The following RBFOX1 variants were observed in gnomAD, a reference collection of about 807,000 sequenced individuals.
RBFOX1 encodes RNA binding fox-1 homolog 1.
In RBFOX1, 8 loss-of-function variants were observed where a neutral mutation model predicts 57.7. The observed-to-expected ratio is 0.14, with a 90% CI of 0.08 to 0.25. The LOEUF (loss-of-function observed/expected upper bound fraction) is 0.25, where lower values mean the gene tolerates loss of function less well. Ranked by LOEUF, RBFOX1 falls within the 10% of genes least tolerant of loss-of-function variation. RBFOX1 has a pLI of 1.00. For missense variants in RBFOX1, 611 were observed against 548.5 expected (o/e 1.11, Z -1.14); for synonymous variants, 326 against 222.4 (o/e 1.47, Z -4.15).
At chr16:5,767,052 G>T (rs905569099) in intron 3 of RBFOX1, among the ~76,000 whole-genome samples, 4 of 152,226 alleles carry the variant, frequency 2.6e-5, no homozygotes, top group Non-Finnish European at 5.9e-5. Context: ...TGATGTCTCA[G>T]TCAGTTGTAT....
intron 2 of RBFOX1, among the ~76,000 whole-genome samples, chr16:6,614,473 A>G (rs975537928): frequency 3.3e-5 from 5 of 152,240 alleles, no homozygotes; most frequent in Non-Finnish European, 7.3e-5. Context: ...TTACCGGGAC[A>G]GGACAAACCA....
At chr16:6,364,290 G>A (rs1400013779) in intron 2 of RBFOX1, among the ~76,000 whole-genome samples, 2 of 152,186 alleles carry the variant, frequency 1.3e-5, no homozygotes, top group Non-Finnish European at 2.9e-5. Context: ...GGCTTGCCAA[G>A]GTGAAAAGTT....
chr16:7,477,625 C>T (rs975000734), intron 4 of RBFOX1, among the ~76,000 whole-genome samples: 1 of 152,184 alleles, frequency 6.6e-6, no homozygotes, highest in African/African-American at 2.4e-5. Flanking sequence ...CCCCAAGCTG[C>T]TCTCACCTTA....
intron 3 of RBFOX1, among the ~76,000 whole-genome samples, chr16:7,011,399 G>A (rs1347543219): frequency 2.6e-5 from 4 of 152,210 alleles, no homozygotes; most frequent in Non-Finnish European, 5.9e-5. Context: ...TTGAAACCAG[G>A]CGGGCTGTTT....
At chr16:5,305,220 C>A (rs981484163) in intron 1 of RBFOX1, among the ~76,000 whole-genome samples, 1 of 152,186 alleles carries the variant, frequency 6.6e-6, no homozygotes, top group African/African-American at 2.4e-5. Flanking sequence ...ACCGGTTTCA[C>A]CTGCTACACT....
intron 4 of RBFOX1, among the ~76,000 whole-genome samples, chr16:7,280,567 A>T (rs1568013332): frequency 6.6e-6 from 1 of 152,214 alleles, no homozygotes; most frequent in Admixed American, 6.5e-5. Flanking sequence ...GCTGTAGTCC[A>T]GGGACAAGCT....
chr16:7,247,780 AT>A (rs1363750720), intron 4 of RBFOX1, among the ~76,000 whole-genome samples: 3 of 152,132 alleles, frequency 2.0e-5, no homozygotes, highest in Non-Finnish European at 4.4e-5. Context: ...TCATCTAGGT[AT>A]TTTAAAATGT....
intron 4 of RBFOX1, among the ~76,000 whole-genome samples, chr16:7,485,466 A>T (rs542625456): frequency 6.6e-6 from 1 of 152,332 alleles, no homozygotes; most frequent in South Asian, 2.1e-4. Context: ...TGAATGCTTC[A>T]ACCTCCCACA....
intron 4 of RBFOX1, among the ~76,000 whole-genome samples, chr16:7,469,825 A>G (rs2033613018): frequency 6.6e-6 from 1 of 152,152 alleles, no homozygotes; most frequent in Non-Finnish European, 1.5e-5. Flanking sequence ...TGTCCCCATT[A>G]AACACTAATT....
chr16:7,264,521 C>T (rs2095054253), intron 4 of RBFOX1, among the ~76,000 whole-genome samples: 1 of 152,164 alleles, frequency 6.6e-6, no homozygotes, highest in African/African-American at 2.4e-5. Flanking sequence ...TTGCTGACCA[C>T]GTAGTCTCTG....
intron 3 of RBFOX1, among the ~76,000 whole-genome samples, chr16:5,638,900 G>T (rs1219688488): frequency 4.6e-5 from 7 of 152,150 alleles, no homozygotes; most frequent in African/African-American, 9.7e-5. Context: ...GCAAACTCCT[G>T]TGTATCCTGT....
At chr16:6,939,949 G>T (rs1385733108) in intron 3 of RBFOX1, among the ~76,000 whole-genome samples, 1 of 152,160 alleles carries the variant, frequency 6.6e-6, no homozygotes, top group African/African-American at 2.4e-5. Flanking sequence ...GATATAGCAG[G>T]AATGACATGG....
rs899768098 is a variant in RBFOX1, at chr16:7,010,150, G to T, written c.-15-41907G>T. Among the ~76,000 whole-genome samples, 8 of 152,332 alleles carry T rather than the reference G, an allele frequency of 5.3e-5. No homozygotes were observed. The East Asian group carries it at 1.5e-3, about 29-fold the overall frequency. The stretch of plus-strand genomic sequence containing the variant: ...TGCAAAGCACGTGATCATTCCAGGA[G>T]GGGTGAGACTTAATCAGCTGTGAAT... On this transcript the variant is annotated intron_variant, in intron 3 of 15. Transcript: ENST00000550418.
chr16:5,442,619 A>T (rs1454014984), intron 1 of RBFOX1, among the ~76,000 whole-genome samples: 2 of 152,024 alleles, frequency 1.3e-5, no homozygotes, highest in Non-Finnish European at 2.9e-5. Context: ...GCTCTTAAAA[A>T]CCAATTGGGC....
intron 4 of RBFOX1, among the ~76,000 whole-genome samples, chr16:7,492,981 C>G (rs890871029): frequency 6.6e-6 from 1 of 152,128 alleles, no homozygotes; most frequent in East Asian, 1.9e-4. Context: ...CAGGTTCAAG[C>G]GATTCTCCTG....
chr16:5,249,291 C>T (rs2062384827), intron 1 of RBFOX1, among the ~76,000 whole-genome samples: 1 of 152,150 alleles, frequency 6.6e-6, no homozygotes, highest in Non-Finnish European at 1.5e-5. Flanking sequence ...CTTCGTGTCC[C>T]CCTTTCCTCC....
intron 2 of RBFOX1, among the ~76,000 whole-genome samples, chr16:6,539,385 C>T (rs984075183): frequency 6.6e-6 from 1 of 152,142 alleles, no homozygotes; most frequent in Non-Finnish European, 1.5e-5. Flanking sequence ...TAGCATCTGG[C>T]ACACAGCAGC....
At chr16:7,482,469 AGTT>A (rs139487781) in intron 4 of RBFOX1, among the ~76,000 whole-genome samples, 107 of 88,086 alleles carry the variant, frequency 1.2e-3, no homozygotes, top group Non-Finnish European at 1.7e-3. Flanking sequence ...ATTTCATCCC[AGTT>A]GTTGTTGTTG....
chr16:7,582,610 A>T (rs1273222711), intron 6 of RBFOX1, among the ~76,000 whole-genome samples: 1 of 152,186 alleles, frequency 6.6e-6, no homozygotes, highest in African/African-American at 2.4e-5. Context: ...ACTGGAGCTT[A>T]GGGAATTTAG....
Sources: gnomAD v4.1 joint callset for allele counts (sites outside exome capture counted in the v4.1 genomes callset) on GRCh38, gnomAD v4.1.1 for gene constraint, MANE v1.5 for transcripts, NCBI Gene and HGNC (gene_info 2026-07-23, HGNC 2026-07-21) for gene names.